KIF3C: variants seen among roughly 807,000 people sequenced by gnomAD.
KIF3C encodes the protein kinesin family member 3C.
A neutral mutation model predicts 67.7 loss-of-function variants in KIF3C; 12 were observed. The observed-to-expected ratio is 0.18, with a 90% CI of 0.11 to 0.29. The LOEUF (loss-of-function observed/expected upper bound fraction) is 0.29, where lower values mean the gene tolerates loss of function less well. Among genes scored for constraint, KIF3C ranks in the 10% least tolerant of loss-of-function variants. The pLI is 1.00. For missense variants in KIF3C, 789 were observed against 1,059.6 expected (o/e 0.74, Z 3.55); for synonymous variants, 393 against 426.2 (o/e 0.92, Z 0.96).
chr2:25,961,158 G>A (rs760459330), intron 1 of KIF3C, among the ~76,000 whole-genome samples: 6 of 152,170 alleles, frequency 3.9e-5, no homozygotes, highest in Non-Finnish European at 5.9e-5. Flanking sequence ...ACAGCACATG[G>A]GGAAGCCAAT....
In KIF3C at chr2:25,955,588, T is replaced by A. The variant is rs770211625; in HGVS notation, c.1723A>T (p.Thr575Ser). 1 of 1,614,122 alleles carries A rather than the reference T, an allele frequency of 6.2e-7. No homozygotes were observed. The highest frequency in any genetic ancestry group is 8.5e-7 in the Non-Finnish European group (1 of 1,179,988). The change falls in exon 3 of 8, where the codon ACA becomes TCA. Residue 575 changes from threonine (T) to serine (S), a missense_variant. Around this residue, in one of 2 missense-constraint regions of KIF3C, gnomAD observed 648 missense variants for 807.8 expected, o/e 0.80. Transcript: ENST00000264712. The surrounding 1 kb of genome is among the most constrained non-coding windows in gnomAD (Gnocchi z 5.0). ...ACCTCCACCTCCTGCTGCAGGGATG[T>A]GTAGGTGCCCCGGAGCTCCATAGTC... ...EETMELRGTY[T>S]SLQQEVEVKT... is the part of the protein sequence containing the mutation.
At position 25,929,973 on chromosome 2, in the gene KIF3C, C is replaced by A. The variant is rs1178726589; in HGVS notation, c.2097G>T (p.Gly699=). ...TTCTTACCCTGTACCTGGGGTGGGA[C>A]CCCATTGCCATGGCAACCCGAGCAT... ...SQYARVAMAM[G]SHPRYRAENI... Residue 699 remains glycine, a synonymous_variant, in exon 6 of 8, where the codon GGG becomes GGT. Coordinates refer to ENST00000264712, the MANE Select transcript of KIF3C (RefSeq NM_002254.8). 1.2e-6 allele frequency: 2 copies of A among 1,613,036 alleles called. No individual in the cohort carries two copies. Among genetic ancestry groups the A allele is most frequent in the Admixed American group, 3.3e-5 (2 of 59,996 alleles).
At chr2:25,951,388 T>A (rs1242436503) in intron 5 of KIF3C, 1 of 192,892 alleles carries the variant, frequency 5.2e-6, no homozygotes, top group African/African-American at 2.4e-5. Flanking sequence ...GTCTCCTGAG[T>A]CTTGCACAGC....
chr2:25,929,017 A>G lies in KIF3C; in HGVS notation c.2343T>C (p.Ser781=). The G allele has an allele frequency of 1.2e-6, 2 of 1,613,918 alleles. No individual in the cohort carries two copies. The highest frequency in any genetic ancestry group is 2.2e-5 in the South Asian group (2 of 91,076). ...PPSTTHASLA[S]ASLRPATVAD... ...CCACTGTTGCAGGGCGCAGAGAAGC[A>G]GAGGCCAGGGAGGCATGTGTGGTGG... Residue 781 remains serine (S), a synonymous_variant, in exon 8 of 8, where the codon TCT becomes TCC. Transcript: ENST00000264712.
rs1663795528 is a variant in KIF3C, at chr2:25,955,899, G to A, written c.1648-236C>T. On this transcript the variant is annotated intron_variant, in intron 2 of 7. Transcript: ENST00000264712. The surrounding 1 kb of genome is among the most constrained non-coding windows in gnomAD (Gnocchi z 5.0). ...TGTGGATGGAGACCCCAGCCCCTAA[G>A]AGCTGGCCTACTCCAGAGGCGTTAG... Among the ~76,000 whole-genome samples the A allele has an allele frequency of 6.6e-6, 1 of 151,882 alleles. No individual in the cohort carries two copies. The highest frequency in any genetic ancestry group is 1.5e-5 in the Non-Finnish European group (1 of 68,022).
intron 1 of KIF3C, among the ~76,000 whole-genome samples, chr2:25,963,734 C>T (rs1471435894): frequency 2.0e-5 from 3 of 149,768 alleles, no homozygotes; most frequent in Non-Finnish European, 3.0e-5. Flanking sequence ...ACTTCGTTGC[C>T]CAGGCTAGAG....
chr2:25,940,653 T>TC (rs1663260273), intron 5 of KIF3C, among the ~76,000 whole-genome samples: 1 of 104,674 alleles, frequency 9.6e-6, no homozygotes. Context: ...GAATGTTCTT[T>TC]TTTTTTTTTT....
intron 1 of KIF3C, among the ~76,000 whole-genome samples, chr2:25,971,871 CTTTTT>C (rs70950146): frequency 1.3e-4 from 7 of 53,804 alleles, no homozygotes; most frequent in Middle Eastern, 0.02. Context: ...CCATGCCTAG[CTTTTT>C]TTTTTTTTTT....
At position 25,956,348 on chromosome 2, in the gene KIF3C, C is replaced by T. The variant is rs752763278; in HGVS notation, c.1642G>A (p.Glu548Lys). 13 of 1,613,622 alleles carry T rather than the reference C, an allele frequency of 8.1e-6. No homozygotes were observed. The highest frequency in any genetic ancestry group is 6.7e-5 in the Admixed American group (4 of 59,998). Residue 548 changes from glutamate (E) to lysine (K), a missense_variant, in exon 2 of 8, where the codon GAG (glutamate) becomes AAG (lysine). Glu to Lys is a moderately conservative substitution (Grantham distance 56). Coordinates refer to ENST00000264712, the MANE Select transcript of KIF3C (RefSeq NM_002254.8). Reference protein sequence around the residue: ...MLELKRQEIAEQKRREREMQQ... With the variant: ...MLELKRQEIAKQKRREREMQQ... ...CTGGCACCTGGAGGCCCTACCTGCT[C>T]GGCAATCTCCTGCCTCTTCAGTTCC...
intron 5 of KIF3C, among the ~76,000 whole-genome samples, chr2:25,940,570 A>C (rs1324406039): frequency 6.6e-6 from 1 of 151,738 alleles, no homozygotes; most frequent in African/African-American, 2.4e-5. Context: ...ACTCCATCTC[A>C]AAAAACAAAA....
At chr2:25,969,678 T>C (rs1664229283) in intron 1 of KIF3C, among the ~76,000 whole-genome samples, 1 of 152,130 alleles carries the variant, frequency 6.6e-6, no homozygotes, top group Non-Finnish European at 1.5e-5. Context: ...TACCTACTGA[T>C]TTATGTCCTT....
chr2:25,958,850 G>A lies in KIF3C; in HGVS notation c.1546-2406C>T, dbSNP rs190324260. 4.3e-4 allele frequency among the ~76,000 whole-genome samples: 66 copies of A among 152,228 alleles called. No homozygotes were observed. The highest frequency in any genetic ancestry group is 1.5e-3 in the African/African-American group (63 of 41,552). ...GGCACTTTGGGAGGCCAAGGCAGGC[G>A]GATCACCTGAGGTTGGGAGTTCGAG... On this transcript the variant is annotated intron_variant, in intron 1 of 7. Transcript: ENST00000264712. This position sits in a 1 kb window ranked among gnomAD's most constrained non-coding sequence, Gnocchi z 4.5.
At chr2:25,936,068 C>T (rs1663113086) in intron 5 of KIF3C, among the ~76,000 whole-genome samples, 1 of 150,390 alleles carries the variant, frequency 6.6e-6, no homozygotes, top group South Asian at 2.1e-4. Flanking sequence ...GCCTGGACAA[C>T]AGAGTGAGAC....
Position 25,928,751 on chromosome 2 carries a change from G to A in KIF3C, c.*227C>T, listed in dbSNP as rs190203405. 7.9e-4 allele frequency: 377 copies of A among 479,448 alleles called. No individual in the cohort carries two copies. Among genetic ancestry groups the A allele is most frequent in the African/African-American group, 7.0e-3 (356 of 50,808 alleles). 29.7% of individuals were successfully genotyped at this position (479,448 alleles called of 1,614,324 possible). A position where few individuals can be genotyped will look rare whatever the true frequency, so the allele number is the denominator to read the frequency against. ...CACGGTAGGCCCAGACGGCTCAGGCGAGGGCATCTCCCCAACACGAACAGA... is the reference window on the plus strand; with the variant it reads ...CACGGTAGGCCCAGACGGCTCAGGCAAGGGCATCTCCCCAACACGAACAGA... On this transcript the variant is annotated 3_prime_UTR_variant, in exon 8 of 8. Coordinates refer to ENST00000264712, the MANE Select transcript of KIF3C (RefSeq NM_002254.8).
chr2:25,941,774 C>T (rs867248336), intron 5 of KIF3C, among the ~76,000 whole-genome samples: 22 of 152,146 alleles, frequency 1.4e-4, no homozygotes, highest in Middle Eastern at 6.8e-3. Context: ...AGCCTGAGGT[C>T]CCAGCTACCC....
At chr2:25,947,637 T>C (rs1483055930) in intron 5 of KIF3C, among the ~76,000 whole-genome samples, 1 of 152,176 alleles carries the variant, frequency 6.6e-6, no homozygotes, top group African/African-American at 2.4e-5. Context: ...TATGCTGTTT[T>C]AAGGTAGCTA....
intron 1 of KIF3C, among the ~76,000 whole-genome samples, chr2:25,978,063 G>C (rs565117288): frequency 6.6e-6 from 1 of 152,262 alleles, no homozygotes; most frequent in Admixed American, 6.5e-5. Flanking sequence ...CTCCTCATTA[G>C]GTGAATGGAA....
chr2:25,929,791 T>A (rs1392978202), intron 6 of KIF3C, among the ~76,000 whole-genome samples, 164 bp downstream of exon 6: 29 of 151,698 alleles, frequency 1.9e-4, no homozygotes, highest in Non-Finnish European at 2.9e-5. Flanking sequence ...AATTTTTGTA[T>A]TTTTAGTAGA....
chr2:25,929,586 A>G, intron 6 of KIF3C, 109 bp from the exon 7 acceptor site: 1 of 856,196 alleles, frequency 1.2e-6, no homozygotes, highest in Non-Finnish European at 1.9e-6. Context: ...TAGGGGAAGC[A>G]GAGGCTGTGA....
Sources: gnomAD v4.1 joint callset for allele counts (sites outside exome capture counted in the v4.1 genomes callset) on GRCh38, gnomAD v4.1.1 for gene constraint, gnomAD v4.1.1 regional missense constraint, Gnocchi (gnomAD v3.1) non-coding constraint, MANE v1.5 for transcripts, NCBI Gene and HGNC (gene_info 2026-07-23, HGNC 2026-07-21) for gene names.